Variants in VPS13B observed in about 807,000 individuals in gnomAD.
VPS13B encodes vacuolar protein sorting 13 homolog B, also known as intermembrane lipid transfer protein VPS13B.
VPS13B carries 285 observed loss-of-function variants against 426.4 expected under a neutral mutation model. The ratio of observed to expected loss-of-function variants is 0.67; its 90% CI spans 0.61 to 0.74. VPS13B has a LOEUF of 0.74. VPS13B is among the 30% of genes least tolerant of loss of function. The probability of loss-of-function intolerance (pLI) is 0.00; values close to 1 mark genes in which losing one functional copy is unlikely to be tolerated. For missense variants in VPS13B, 4,537 were observed against 4,782.6 expected, an observed-to-expected ratio of 0.95 and a Z score of 1.51; for synonymous variants, 1,676 against 1,676.4, an observed-to-expected ratio of 1.00 and a Z score of 0.01.
At chr8:99,365,587 G>C (rs1387451253) in intron 19 of VPS13B, among the ~76,000 whole-genome samples, 2 of 140,988 alleles carry the variant, frequency 1.4e-5, no homozygotes, top group Non-Finnish European at 3.0e-5. Flanking sequence ...CACGATCTCG[G>C]CTCACTGCAA....
chr8:99,623,638 G>T (rs2133897082), intron 33 of VPS13B, among the ~76,000 whole-genome samples: 1 of 152,204 alleles, frequency 6.6e-6, no homozygotes, highest in Admixed American at 6.5e-5. Context: ...TGCTGCTTCT[G>T]GTAGCAGTTG....
At chr8:99,613,492 A>G (rs1411528409) in intron 33 of VPS13B, among the ~76,000 whole-genome samples, 1 of 152,228 alleles carries the variant, frequency 6.6e-6, no homozygotes, top group Non-Finnish European at 1.5e-5. Context: ...AAGAGCAGCG[A>G]CTATACTTCC....
intron 19 of VPS13B, among the ~76,000 whole-genome samples, chr8:99,307,556 A>G (rs1820708669): frequency 6.6e-6 from 1 of 152,024 alleles, no homozygotes; most frequent in Non-Finnish European, 1.5e-5. Context: ...CCCTAAATAT[A>G]ATTTCATTTA....
chr8:99,798,041 TTTA>T (rs1187588661), intron 43 of VPS13B, among the ~76,000 whole-genome samples: 1 of 152,076 alleles, frequency 6.6e-6, no homozygotes, highest in Admixed American at 6.5e-5. Flanking sequence ...CAAGCTTCTT[TTTA>T]TTGTTGCTGA....
At chr8:99,641,281 A>T (rs1829345966) in intron 33 of VPS13B, among the ~76,000 whole-genome samples, 1 of 152,224 alleles carries the variant, frequency 6.6e-6, no homozygotes, top group Non-Finnish European at 1.5e-5. Flanking sequence ...CATTTATTTT[A>T]GTGTACTTTT....
chr8:99,453,665 A>G (rs982327780), intron 23 of VPS13B, among the ~76,000 whole-genome samples: 2 of 152,164 alleles, frequency 1.3e-5, no homozygotes, highest in African/African-American at 4.8e-5. Context: ...ACTTATTTTA[A>G]AAACCAAACC....
chr8:99,166,024 G>T (rs1353039720), intron 15 of VPS13B, among the ~76,000 whole-genome samples: 3 of 152,144 alleles, frequency 2.0e-5, no homozygotes, highest in Non-Finnish European at 4.4e-5. Flanking sequence ...CTGTTGCCCT[G>T]GCTGGAGTGC....
At chr8:99,546,257 T>G (rs910555284) in intron 30 of VPS13B, among the ~76,000 whole-genome samples, 1 of 149,438 alleles carries the variant, frequency 6.7e-6, no homozygotes, top group African/African-American at 2.5e-5. Context: ...CATCTAAAGG[T>G]TTTTTTTTTC....
chr8:99,812,459 T>G (rs958304786), intron 44 of VPS13B, among the ~76,000 whole-genome samples: 3 of 152,188 alleles, frequency 2.0e-5, no homozygotes, highest in Non-Finnish European at 2.9e-5. Context: ...CAGGGCCCAT[T>G]TGGGGAGGTG....
At chr8:99,333,535 T>G (rs964563861) in intron 19 of VPS13B, among the ~76,000 whole-genome samples, 1 of 151,886 alleles carries the variant, frequency 6.6e-6, no homozygotes, top group Non-Finnish European at 1.5e-5. Context: ...TTGTATGTAT[T>G]TAATTATATG....
intron 41 of VPS13B, 98 bp from the exon 42 acceptor site, chr8:99,778,584 A>G (rs540017201): frequency 1.6e-5 from 17 of 1,090,050 alleles, no homozygotes; most frequent in Middle Eastern, 4.2e-4. Context: ...TAATTTCAAT[A>G]ATCAAAAAGT....
At chr8:99,668,355 C>CAAA (rs35852232) in intron 35 of VPS13B, among the ~76,000 whole-genome samples, 1 of 94,764 alleles carries the variant, frequency 1.1e-5, no homozygotes, top group Admixed American at 9.5e-5. Context: ...GACCCTGTCT[C>CAAA]AAAAAAAAAA....
At chr8:99,303,730 C>CAAAAAAAAAAAAAAAA (rs58708195) in intron 19 of VPS13B, among the ~76,000 whole-genome samples, 7 of 63,700 alleles carry the variant, frequency 1.1e-4, no homozygotes, top group South Asian at 9.0e-4. Context: ...GACTCCGTCT[C>CAAAAAAAAAAAAAAAA]AAAAAAAAAA....
Position 99,115,848 on chromosome 8 carries a change from A to G in VPS13B, c.911A>G (p.Asn304Ser), listed in dbSNP as rs1389769534. Residue 304 changes from asparagine (N) to serine (S), a missense_variant, in exon 7 of 62, where the codon AAT becomes AGT. By Grantham distance (46) the Asn-to-Ser change is conservative. Coordinates refer to ENST00000357162, the MANE Select transcript of VPS13B (RefSeq NM_152564.5). ...EGEIEDLTCH[N>S]KDMLGNITGS... ...GAAATAGAGGACCTTACTTGTCATA[A>G]TAAAGATATGCTAGGAAACATTACA... is the stretch of plus-strand genomic sequence containing the variant. 9.3e-6 allele frequency: 15 copies of G among 1,613,402 alleles called. No individual in the cohort carries two copies. The highest frequency in any genetic ancestry group is 1.3e-5 in the Non-Finnish European group (15 of 1,179,772).
intron 39 of VPS13B, among the ~76,000 whole-genome samples, chr8:99,744,969 A>AT (rs1471873322): frequency 6.6e-6 from 1 of 151,992 alleles, no homozygotes; most frequent in African/African-American, 2.4e-5. Flanking sequence ...TTAAAGTATA[A>AT]TAAAAAAAAA....
intron 21 of VPS13B, among the ~76,000 whole-genome samples, chr8:99,408,773 G>A (rs1250750087): frequency 6.6e-6 from 1 of 152,122 alleles, no homozygotes; most frequent in Non-Finnish European, 1.5e-5. Context: ...AATGGCCCAA[G>A]TACTGAACCC....
chr8:99,662,613 GT>G (rs1181584239), intron 35 of VPS13B, among the ~76,000 whole-genome samples: 1 of 151,568 alleles, frequency 6.6e-6, no homozygotes, highest in Non-Finnish European at 1.5e-5. Context: ...CGCCCAACTA[GT>G]TTTTTTTATT....
At chr8:99,550,155 T>A in intron 30 of VPS13B, among the ~76,000 whole-genome samples, 1 of 152,050 alleles carries the variant, frequency 6.6e-6, no homozygotes, top group African/African-American at 2.4e-5. Context: ...GAGGAAGGGC[T>A]GTTTTGATAG....
intron 19 of VPS13B, among the ~76,000 whole-genome samples, chr8:99,321,226 T>G (rs1381767060): frequency 6.7e-6 from 1 of 149,496 alleles, no homozygotes; most frequent in East Asian, 1.9e-4. Flanking sequence ...TTTTTTTTTT[T>G]TTGAGACAGA....
Sources: gnomAD v4.1 joint callset for allele counts (sites outside exome capture counted in the v4.1 genomes callset) on GRCh38, gnomAD v4.1.1 for gene constraint, MANE v1.5 for transcripts, NCBI Gene and HGNC (gene_info 2026-07-23, HGNC 2026-07-21) for gene names.